MOCOS: variants seen among roughly 807,000 people sequenced by gnomAD.
The protein encoded by MOCOS is human molybdenum cofactor sulfurase.
MOCOS carries 86 observed loss-of-function variants against 83.6 expected under a neutral mutation model. The observed-to-expected ratio is 1.03, with a 90% CI of 0.86 to 1.23. The LOEUF (loss-of-function observed/expected upper bound fraction) is 1.23. Among genes scored for constraint, MOCOS ranks in the 50% most tolerant of loss-of-function variants. MOCOS has a pLI of 0.00. For missense variants in MOCOS, 1,120 were observed against 1,126.9 expected (o/e 0.99, Z 0.09); for synonymous variants, 445 against 434.7 (o/e 1.02, Z -0.29).
At chr18:36,225,690 G>C (rs574436290) in intron 9 of MOCOS, among the ~76,000 whole-genome samples, 34 of 151,948 alleles carry the variant, frequency 2.2e-4, no homozygotes, top group Non-Finnish European at 4.3e-4. Context: ...ACTGCCATGA[G>C]CTTACTATTT....
intron 6 of MOCOS, among the ~76,000 whole-genome samples, chr18:36,210,463 G>A (rs1305632605): frequency 6.6e-6 from 1 of 152,120 alleles, no homozygotes; most frequent in Non-Finnish European, 1.5e-5. Flanking sequence ...TGCTTTTGGA[G>A]GGGACAAGGT....
At chr18:36,251,615 G>C (rs2091622266) in intron 11 of MOCOS, among the ~76,000 whole-genome samples, 1 of 152,182 alleles carries the variant, frequency 6.6e-6, no homozygotes, top group African/African-American at 2.4e-5. Flanking sequence ...ATTGGATCTG[G>C]AAGCAAGGAA....
chr18:36,266,532 T>C (rs1480998919), intron 13 of MOCOS, among the ~76,000 whole-genome samples: 2 of 152,152 alleles, frequency 1.3e-5, no homozygotes, highest in Non-Finnish European at 2.9e-5. Flanking sequence ...ACCGTCAAGA[T>C]CTCAGTCCCT....
intron 9 of MOCOS, among the ~76,000 whole-genome samples, chr18:36,234,330 A>T (rs2091549686): frequency 1.3e-5 from 2 of 152,206 alleles, no homozygotes; most frequent in Non-Finnish European, 2.9e-5. Context: ...GTCGAAGATC[A>T]GTTGGCTGTA....
At chr18:36,232,828 CT>C (rs1398517475) in intron 9 of MOCOS, among the ~76,000 whole-genome samples, 2 of 148,698 alleles carry the variant, frequency 1.3e-5, no homozygotes, top group African/African-American at 2.5e-5. Flanking sequence ...TAATTTCCTT[CT>C]TTTTTATGGC....
chr18:36,237,365 C>T (rs1228796061), intron 9 of MOCOS, among the ~76,000 whole-genome samples: 5 of 152,062 alleles, frequency 3.3e-5, no homozygotes, highest in Non-Finnish European at 7.4e-5. Context: ...TTGTCAAAGG[C>T]CTTTTCTGCA....
Position 36,200,200 on chromosome 18 carries a change from G to A in MOCOS, c.817G>A (p.Gly273Ser). The change falls in exon 4 of 15, where the codon GGC becomes AGC. Residue 273 changes from glycine (G) to serine (S), a missense_variant. By Grantham distance (56) the Gly-to-Ser change is moderately conservative. Transcript: ENST00000261326. Reference protein sequence around the residue: ...YKIFGFPTGLGALLVHNRAAP... With the variant: ...YKIFGFPTGLSALLVHNRAAP... ...GATCTTCGGGTTTCCTACAGGCCTG[G>A]GCGCTCTGCTGGTCCATAATCGTGC... The A allele has an allele frequency of 6.2e-7, 1 of 1,614,188 alleles. No homozygotes were observed. The highest frequency in any genetic ancestry group is 8.5e-7 in the Non-Finnish European group (1 of 1,180,032).
intron 7 of MOCOS, among the ~76,000 whole-genome samples, chr18:36,213,932 C>G (rs1785892): frequency 0.43 from 64,079 of 147,450 alleles, 15,581 homozygotes; most frequent in Non-Finnish European, 0.56. Context: ...CTCCATCCCC[C>G]TCCAACCAAA....
chr18:36,231,462 T>G (rs140094849), intron 9 of MOCOS, among the ~76,000 whole-genome samples: 1 of 152,370 alleles, frequency 6.6e-6, no homozygotes, highest in East Asian at 1.9e-4. Context: ...CCTATGCATG[T>G]TACGCATTCC....
At chr18:36,195,371 T>C (rs758121064) in intron 2 of MOCOS, 25 bp downstream of exon 2, 11 of 1,586,156 alleles carry the variant, frequency 6.9e-6, no homozygotes, top group Admixed American at 5.0e-5. Flanking sequence ...CTGAAACAGG[T>C]TTTAGTCAAC....
Position 36,229,773 on chromosome 18 carries a change from T to C in MOCOS, c.1960+9556T>C, listed in dbSNP as rs376033869. 1.1e-3 allele frequency among the ~76,000 whole-genome samples: 174 copies of C among 152,090 alleles called. 1 individual carries two copies. The highest frequency in any genetic ancestry group is 5.4e-3 in the South Asian group (26 of 4,818). On this transcript the variant is annotated intron_variant, in intron 9 of 14. Transcript: ENST00000261326. ...GTTTGCTTATCTTTTCTTTTGCTGA[T>C]CTAGTCTGCTGTTGAACCTCTCTTA...
intron 9 of MOCOS, among the ~76,000 whole-genome samples, chr18:36,226,926 G>A (rs1301936130): frequency 5.2e-5 from 7 of 134,244 alleles, no homozygotes; most frequent in Non-Finnish European, 9.4e-5. Context: ...TTGCTCTGTT[G>A]CCCAGGCTGG....
At chr18:36,251,424 CTGCAGT>C in intron 11 of MOCOS, 141 bp downstream of exon 11, 1 of 1,159,630 alleles carries the variant, frequency 8.6e-7, no homozygotes, top group Non-Finnish European at 1.3e-6. Flanking sequence ...CAGAAACCTA[CTGCAGT>C]AGCCCCAGGT....
intron 9 of MOCOS, among the ~76,000 whole-genome samples, chr18:36,222,776 A>AT (rs1457248848): frequency 2.6e-5 from 4 of 151,698 alleles, no homozygotes; most frequent in Non-Finnish European, 4.4e-5. Flanking sequence ...TAATTTTTGT[A>AT]TTTTTAGTAG....
rs774378992 is a variant in MOCOS, at chr18:36,187,515, C to G, written c.-25C>G. 2.1e-5 allele frequency: 26 copies of G among 1,229,428 alleles called. No homozygotes were observed. The highest frequency in any genetic ancestry group is 1.4e-5 in the Non-Finnish European group (14 of 985,898). 76.2% of individuals were successfully genotyped at this position (1,229,428 alleles called of 1,614,324 possible). A position where few individuals can be genotyped will look rare whatever the true frequency, so the allele number is the denominator to read the frequency against. On this transcript the variant is annotated 5_prime_UTR_variant, in exon 1 of 15. Coordinates refer to ENST00000261326, the MANE Select transcript of MOCOS (RefSeq NM_017947.4). ...GCTTCGCGCACTTCCCGGGCCCGGCCGGCCTGGATGGACTAGCCGGGGCCA... is the reference window on the plus strand; with the variant it reads ...GCTTCGCGCACTTCCCGGGCCCGGCGGGCCTGGATGGACTAGCCGGGGCCA...
chr18:36,219,426 C>T (rs1223044056), intron 8 of MOCOS, among the ~76,000 whole-genome samples: 1 of 152,080 alleles, frequency 6.6e-6, no homozygotes, highest in Non-Finnish European at 1.5e-5. Flanking sequence ...TGCCTGTAAT[C>T]CCAGAACTTT....
chr18:36,238,428 A>G (rs890022149), intron 9 of MOCOS, among the ~76,000 whole-genome samples: 54 of 150,238 alleles, frequency 3.6e-4, no homozygotes, highest in African/African-American at 1.3e-3. Context: ...TTCAGTTTCC[A>G]TGTAGTTGAG....
intron 2 of MOCOS, among the ~76,000 whole-genome samples, chr18:36,198,197 G>A (rs1034457719): frequency 3.9e-5 from 6 of 152,108 alleles, no homozygotes; most frequent in African/African-American, 1.2e-4. Context: ...AGACCAGCCT[G>A]GGCAGCACAG....
chr18:36,204,860 G>A (rs185677193), intron 5 of MOCOS, among the ~76,000 whole-genome samples: 59 of 152,064 alleles, frequency 3.9e-4, no homozygotes, highest in Middle Eastern at 3.4e-3. Flanking sequence ...AGGCATGGTG[G>A]TGAATGCCTG....
Sources: gnomAD v4.1 joint callset for allele counts (sites outside exome capture counted in the v4.1 genomes callset) on GRCh38, gnomAD v4.1.1 for gene constraint, MANE v1.5 for transcripts, NCBI Gene and HGNC (gene_info 2026-07-23, HGNC 2026-07-21) for gene names.